Variants in SDC3 observed in about 807,000 individuals in gnomAD.
SDC3 encodes the protein syndecan-3.
Under a neutral mutation model 24.4 loss-of-function variants are expected in SDC3, and 13 were observed. The ratio of observed to expected loss-of-function variants is 0.53; its 90% CI spans 0.35 to 0.85. The LOEUF (loss-of-function observed/expected upper bound fraction) is 0.85. Ranked by LOEUF, SDC3 falls within the 40% of genes least tolerant of loss-of-function variation. SDC3 has a pLI of 0.01. For missense variants in SDC3, 571 were observed against 584.5 expected (o/e 0.98, Z 0.24); for synonymous variants, 295 against 260.9 (o/e 1.13, Z -1.26).
At chr1:30,891,361 G>A (rs953757714) in intron 1 of SDC3, among the ~76,000 whole-genome samples, 25 of 152,350 alleles carry the variant, frequency 1.6e-4, no homozygotes, top group Non-Finnish European at 2.4e-4. Context: ...GCTGGCAGCC[G>A]CCAAGCCCCT....
chr1:30,909,711 G>A (rs898388729), upstream of SDC3, among the ~76,000 whole-genome samples: 11 of 152,266 alleles, frequency 7.2e-5, no homozygotes, highest in African/African-American at 2.4e-4. Context: ...CACAGAGCTC[G>A]GCATGACATC....
intron 1 of SDC3, among the ~76,000 whole-genome samples, chr1:30,893,528 C>G (rs1056963730): frequency 2.6e-5 from 4 of 152,022 alleles, no homozygotes; most frequent in African/African-American, 9.7e-5. Flanking sequence ...CTCACGCGTC[C>G]CCTCCTCATG....
chr1:30,887,152 C>T (rs1011307403), intron 1 of SDC3, among the ~76,000 whole-genome samples: 4 of 152,110 alleles, frequency 2.6e-5, no homozygotes, highest in African/African-American at 7.2e-5. Flanking sequence ...CGCACTCACA[C>T]GACAGGTGGC....
intron 1 of SDC3, among the ~76,000 whole-genome samples, chr1:30,884,761 C>A (rs1639804119): frequency 6.6e-6 from 1 of 152,204 alleles, no homozygotes; most frequent in Non-Finnish European, 1.5e-5. Flanking sequence ...CTGATTCTGA[C>A]ACTCTGGACT....
intron 1 of SDC3, among the ~76,000 whole-genome samples, chr1:30,896,927 C>A (rs1223542232): frequency 6.6e-6 from 1 of 152,182 alleles, no homozygotes; most frequent in Non-Finnish European, 1.5e-5. Flanking sequence ...CACACCACTG[C>A]ACTCCAATCT....
At chr1:30,897,599 G>T (rs182430299) in intron 1 of SDC3, among the ~76,000 whole-genome samples, 1 of 152,252 alleles carries the variant, frequency 6.6e-6, no homozygotes, top group Admixed American at 6.5e-5. Context: ...ACCCAGCAAG[G>T]CCTGATTGGC....
At chr1:30,895,226 A>C (rs746748298) in intron 1 of SDC3, among the ~76,000 whole-genome samples, 10 of 152,158 alleles carry the variant, frequency 6.6e-5, no homozygotes, top group Non-Finnish European at 8.8e-5. Flanking sequence ...ATGCCATCAC[A>C]CATGTTGCAG....
intron 1 of SDC3, chr1:30,878,955 A>C: frequency 1.9e-6 from 1 of 536,272 alleles, no homozygotes; most frequent in Non-Finnish European, 3.3e-6. Context: ...GAAGGCTTTC[A>C]GTGTCTGGCT....
intron 1 of SDC3, among the ~76,000 whole-genome samples, chr1:30,901,393 C>T (rs949376165): frequency 5.3e-5 from 8 of 152,232 alleles, no homozygotes; most frequent in Non-Finnish European, 1.0e-4. Flanking sequence ...GAGATGCTCC[C>T]TGGCTGGGAG....
intron 1 of SDC3, among the ~76,000 whole-genome samples, chr1:30,891,086 C>T (rs1017544645): frequency 2.0e-5 from 3 of 152,194 alleles, no homozygotes; most frequent in Non-Finnish European, 4.4e-5. Flanking sequence ...TCAGTGGTTC[C>T]GGATGCCCCA....
intron 1 of SDC3, among the ~76,000 whole-genome samples, chr1:30,903,578 A>C (rs1021977460): frequency 4.5e-4 from 68 of 152,262 alleles, no homozygotes; most frequent in African/African-American, 1.6e-3. Flanking sequence ...TAGATGAGGA[A>C]GAGCCCTGGC....
chr1:30,894,231 A>T (rs1258680647), intron 1 of SDC3, among the ~76,000 whole-genome samples: 2 of 132,020 alleles, frequency 1.5e-5, no homozygotes, highest in East Asian at 4.7e-4. Flanking sequence ...GTGTGTGGGG[A>T]CGACAGCGTG....
intron 1 of SDC3, among the ~76,000 whole-genome samples, chr1:30,893,707 C>T (rs892042297): frequency 1.3e-5 from 2 of 151,996 alleles, no homozygotes; most frequent in South Asian, 2.1e-4. Context: ...GCCCTAGTGC[C>T]GAAGACTCTG....
chr1:30,903,672 C>T (rs1243226337), intron 1 of SDC3, among the ~76,000 whole-genome samples: 1 of 152,146 alleles, frequency 6.6e-6, no homozygotes, highest in African/African-American at 2.4e-5. Flanking sequence ...GGACCAACCC[C>T]CTTCCCAGCC....
intron 1 of SDC3, among the ~76,000 whole-genome samples, chr1:30,905,342 C>A (rs59177488): frequency 5.4e-5 from 4 of 74,638 alleles, no homozygotes; most frequent in African/African-American, 2.2e-4. Flanking sequence ...CATCCGTACT[C>A]TCTCTCTCTC....
At position 30,894,288 on chromosome 1, in the gene SDC3, TGAGA is replaced by T. The variant is rs775157886; in HGVS notation, c.138+14157_138+14160del. ...GTGTGGGTGAGTGTGTGTGGGGGAG[TGAGA>T]GAGTGTGTGGGGGTGTGTGTGCATG... On this transcript the variant is annotated intron_variant, in intron 1 of 4. Transcript: ENST00000339394. Among the ~76,000 whole-genome samples the T allele has an allele frequency of 3.2e-4, 39 of 120,392 alleles. 1 individual carries two copies. Among genetic ancestry groups the T allele is most frequent in the South Asian group, 5.5e-4 (2 of 3,622 alleles). 79.0% of individuals were successfully genotyped at this position (120,392 alleles called of 152,430 possible).
intron 1 of SDC3, among the ~76,000 whole-genome samples, chr1:30,881,897 A>T (rs1016143639): frequency 1.3e-5 from 2 of 152,112 alleles, no homozygotes; most frequent in African/African-American, 4.8e-5. Context: ...TCCAGGGCTA[A>T]ATTCATACAT....
Position 30,876,725 on chromosome 1 carries a change from G to A in SDC3, c.697C>T (p.Pro233Ser), listed in dbSNP as rs1302112389. 6.3e-7 allele frequency: 1 copy of A among 1,593,130 alleles called. No individual in the cohort carries two copies. Among genetic ancestry groups the A allele is most frequent in the Admixed American group, 1.8e-5 (1 of 57,014 alleles). ...RATTPEAPSPPTTAAVLDTEA... is the reference protein window; with the variant it reads ...RATTPEAPSPSTTAAVLDTEA... ...GTGTCCAAGACAGCCGCCGTGGTGGGCGGGGAGGGCGCCTCGGGGGTAGTG... is the reference window on the plus strand; with the variant it reads ...GTGTCCAAGACAGCCGCCGTGGTGGACGGGGAGGGCGCCTCGGGGGTAGTG... The change falls in exon 3 of 5, where the codon CCC becomes TCC. Residue 233 changes from proline (P) to serine (S), a missense_variant. Around this residue, in one of 2 missense-constraint regions of SDC3, gnomAD observed 497 missense variants for 471.6 expected, o/e 1.05. Coordinates refer to ENST00000339394, the MANE Select transcript of SDC3 (RefSeq NM_014654.4).
chr1:30,874,160 A>G (rs2124306322), intron 4 of SDC3, 137 bp downstream of exon 4: 1 of 690,404 alleles, frequency 1.4e-6, no homozygotes, highest in South Asian at 2.0e-5. Flanking sequence ...TGAGTTCTCA[A>G]GTTTCCTTCC....
Sources: allele counts gnomAD v4.1 joint callset (sites outside exome capture counted in the v4.1 genomes callset), GRCh38; gene constraint gnomAD v4.1.1; regional missense constraint gnomAD v4.1.1; transcripts MANE v1.5; gene names NCBI Gene and HGNC (gene_info 2026-07-23, HGNC 2026-07-21).